The following CFAP251 variants were observed in gnomAD, a reference collection of about 807,000 sequenced individuals.
The protein encoded by CFAP251 is cilia- and flagella-associated protein 251.
A neutral mutation model predicts 126.7 loss-of-function variants in CFAP251; 93 were observed. The observed-to-expected ratio is 0.73, with a 90% confidence interval of 0.62 to 0.87. CFAP251 has a LOEUF of 0.87. Among genes scored for constraint, CFAP251 ranks in the 40% least tolerant of loss-of-function variants. The pLI is 0.00. For synonymous variants in CFAP251, 503 were observed against 506.9 expected (o/e 0.99, Z 0.10); for missense variants, 1,287 against 1,389.2 (o/e 0.93, Z 1.17).
intron 7 of CFAP251, among the ~76,000 whole-genome samples, chr12:121,943,384 G>A (rs1236969281): frequency 6.6e-6 from 1 of 152,134 alleles, no homozygotes; most frequent in Non-Finnish European, 1.5e-5. Context: ...GTTGTGTTAT[G>A]TTGCAGTAGA....
chr12:121,926,673 G>A (rs994294848), intron 3 of CFAP251, among the ~76,000 whole-genome samples: 1 of 152,152 alleles, frequency 6.6e-6, no homozygotes, highest in African/African-American at 2.4e-5. Flanking sequence ...GGCCGGGCGC[G>A]GTGGCTCACA....
At chr12:121,969,481 C>T (rs1218965543) in intron 17 of CFAP251, 29 of 985,182 alleles carry the variant, frequency 2.9e-5, no homozygotes, top group Non-Finnish European at 1.2e-6. Context: ...GCAGAACCTT[C>T]CCTTCTATTT....
Position 121,958,292 on chromosome 12 carries a change from C to A in CFAP251, c.1751C>A (p.Ser584Tyr), listed in dbSNP as rs1881799294. 1 of 1,613,946 alleles carries A rather than the reference C, an allele frequency of 6.2e-7. No individual in the cohort carries two copies. The highest frequency in any genetic ancestry group is 1.3e-5 in the African/African-American group (1 of 74,914). Reference sequence around the variant, plus strand: ...AACAGGAATTTTATCATTGGAACATCTGATGCCGCGGTGTACCACTTAACA... The same window carrying A: ...AACAGGAATTTTATCATTGGAACATATGATGCCGCGGTGTACCACTTAACA... ...FVLRNFIIGT[S>Y]DAAVYHLTTD... is the part of the protein sequence containing the mutation. Residue 584 changes from serine (S) to tyrosine (Y), a missense_variant, in exon 12 of 22, where the codon TCT (serine) becomes TAT (tyrosine). Physicochemically the swap from Ser to Tyr is moderately radical, Grantham distance 144. Coordinates refer to ENST00000288912, the MANE Select transcript of CFAP251 (RefSeq NM_144668.6).
intron 2 of CFAP251, 37 bp from the exon 3 acceptor site, chr12:121,923,585 C>T: frequency 6.4e-7 from 1 of 1,568,420 alleles, no homozygotes; most frequent in Non-Finnish European, 8.6e-7. Flanking sequence ...TGAGTAGCAG[C>T]ACATATGGAA....
In CFAP251 at chr12:121,998,432, AATATATATATATATATAT is replaced by A. The variant is rs71082926; in HGVS notation, c.3007-1245_3007-1228del. 3.1e-3 allele frequency: 265 copies of A among 85,624 alleles called. 4 individuals are homozygous for A. Among genetic ancestry groups the A allele is most frequent in the Middle Eastern group, 7.1e-3 (1 of 140 alleles). 5.3% of individuals were successfully genotyped at this position (85,624 alleles called of 1,614,324 possible). A position where few individuals can be genotyped will look rare whatever the true frequency, so the allele number is the denominator to read the frequency against. ...TACCAGTTCTAATAGTTTTTAGTGTAATATATATATATATATATATATATATATATATATATATATATA... is the reference window on the plus strand; with the variant it reads ...TACCAGTTCTAATAGTTTTTAGTGTAATATATATATATATATATATATATA... On this transcript the variant is annotated intron_variant, in intron 19 of 21. Transcript: ENST00000288912.
At chr12:122,001,397 G>C in intron 20 of CFAP251, 100 bp from the exon 21 acceptor site, 1 of 1,129,440 alleles carries the variant, frequency 8.9e-7, no homozygotes, top group Non-Finnish European at 1.3e-6. Context: ...AAAAATAGTG[G>C]GATAATTCTC....
rs1024161490 is a variant in CFAP251 at position 121,921,690 on chromosome 12, A to G, written c.378+7A>G. On this transcript the variant is annotated splice_region_variant and intron_variant, in intron 2 of 21. Coordinates refer to ENST00000288912, the MANE Select transcript of CFAP251 (RefSeq NM_144668.6). ...CACATCAGGAATTTTCCCAGTAAGT[A>G]GTCATCTTAATTCATTCATCAATTC... The G allele has an allele frequency of 3.8e-6, 6 of 1,599,616 alleles. No homozygotes were observed. The highest frequency in any genetic ancestry group is 3.4e-6 in the Non-Finnish European group (4 of 1,173,268).
Position 121,930,138 on chromosome 12 carries a change from C to G in CFAP251, c.748-1608C>G, listed in dbSNP as rs942222929. On this transcript the variant is annotated intron_variant, in intron 3 of 21. Coordinates refer to ENST00000288912, the MANE Select transcript of CFAP251 (RefSeq NM_144668.6). ...GGCTTGTTAGCCCTTTTTTTTTCCT[C>G]GTTGAATAATATTGCATTGTCTGGA... 1.3e-5 allele frequency among the ~76,000 whole-genome samples: 2 copies of G among 151,648 alleles called. 1 individual carries two copies.
rs547845308 is a variant in CFAP251 at position 121,974,493 on chromosome 12, C to T, written c.2772-751C>T. Among the ~76,000 whole-genome samples, 78 of 152,198 alleles carry T rather than the reference C, an allele frequency of 5.1e-4. No individual in the cohort carries two copies. Among genetic ancestry groups the T allele is most frequent in the African/African-American group, 1.7e-3 (69 of 41,526 alleles). On this transcript the variant is annotated intron_variant, in intron 17 of 21. Transcript: ENST00000288912. The surrounding 1 kb of genome is among the most constrained non-coding windows in gnomAD (Gnocchi z 4.6). ...TCACACAGCTTGCCAGGGGTAGAGC[C>T]GGGACTTGCACACATGTCCGTGTGA...
intron 17 of CFAP251, chr12:121,969,589 A>G: frequency 1.2e-6 from 1 of 815,324 alleles, no homozygotes; most frequent in Non-Finnish European, 1.5e-6. Flanking sequence ...GGGCTCAAAC[A>G]ATTCTCCTGC....
rs532340422 is a variant in CFAP251, at chr12:121,967,401, C to T, written c.2607+332C>T. 1.8e-4 allele frequency among the ~76,000 whole-genome samples: 27 copies of T among 152,258 alleles called. 1 individual carries two copies. The highest frequency in any genetic ancestry group is 1.4e-3 in the Admixed American group (21 of 15,300). Reference sequence around the variant, plus strand: ...TGTTGTACATTTAATGAATAATCTGCGTTGAAAAGTGTAAAGTCGGGCCAG... The same window carrying T: ...TGTTGTACATTTAATGAATAATCTGTGTTGAAAAGTGTAAAGTCGGGCCAG... On this transcript the variant is annotated intron_variant, in intron 16 of 21. Coordinates refer to ENST00000288912, the MANE Select transcript of CFAP251 (RefSeq NM_144668.6).
chr12:121,931,653 A>G (rs1880695398), intron 3 of CFAP251, 93 bp from the exon 4 acceptor site: 3 of 1,268,568 alleles, frequency 2.4e-6, no homozygotes, highest in Non-Finnish European at 3.1e-6. Context: ...TGAACTGTTG[A>G]TGTGAAATCC....
intron 5 of CFAP251, among the ~76,000 whole-genome samples, chr12:121,936,864 A>G (rs927994220): frequency 3.9e-5 from 6 of 151,948 alleles, no homozygotes; most frequent in Non-Finnish European, 8.8e-5. Context: ...TTGCCTGGGT[A>G]GGATAATTGG....
intron 7 of CFAP251, among the ~76,000 whole-genome samples, chr12:121,945,511 T>C (rs1881287480): frequency 6.9e-6 from 1 of 145,424 alleles, no homozygotes; most frequent in South Asian, 2.2e-4. Flanking sequence ...GCCTGGCTAA[T>C]TTTTTGTATT....
At chr12:121,961,852 C>T (rs935492759) in intron 14 of CFAP251, 126 bp from the exon 15 acceptor site, 11 of 934,646 alleles carry the variant, frequency 1.2e-5, no homozygotes, top group Admixed American at 5.0e-5. Flanking sequence ...GACCTGATAC[C>T]GTCTCCCCCA....
chr12:121,958,607 G>T, intron 12 of CFAP251, 85 bp downstream of exon 12: 1 of 1,575,692 alleles, frequency 6.3e-7, no homozygotes, highest in South Asian at 1.2e-5. Flanking sequence ...ATAGCTCCAG[G>T]AAGTCTCCCC....
chr12:121,954,652 A>AAAAAAC (rs1881657793), intron 10 of CFAP251, among the ~76,000 whole-genome samples: 1 of 149,134 alleles, frequency 6.7e-6, no homozygotes, highest in Admixed American at 6.7e-5. Flanking sequence ...AAAAAAAAAA[A>AAAAAAC]AAAAAAAAAA....
chr12:121,923,490 G>A, intron 2 of CFAP251, 132 bp from the exon 3 acceptor site: 5 of 1,221,366 alleles, frequency 4.1e-6, no homozygotes, highest in Non-Finnish European at 5.6e-6. Flanking sequence ...AAATGTTCCA[G>A]CCTCTTTTAA....
At position 121,934,241 on chromosome 12, in the gene CFAP251, C is replaced by T. The variant is rs533474815; in HGVS notation, c.889-6C>T. 2 of 1,612,102 alleles carry T rather than the reference C, an allele frequency of 1.2e-6. No homozygotes were observed. Among genetic ancestry groups the T allele is most frequent in the South Asian group, 2.2e-5 (2 of 90,840 alleles). ...GTTTCAAAGCGTTTTCTCTCCATTTCCATAGGGCCACGCCAATATTATCTC... is the reference window on the plus strand; with the variant it reads ...GTTTCAAAGCGTTTTCTCTCCATTTTCATAGGGCCACGCCAATATTATCTC... On this transcript the variant is annotated splice_region_variant and splice_polypyrimidine_tract_variant and intron_variant, in intron 4 of 21. Transcript: ENST00000288912.
Sources: allele counts gnomAD v4.1 joint callset (sites outside exome capture counted in the v4.1 genomes callset), GRCh38; gene constraint gnomAD v4.1.1; non-coding constraint Gnocchi (gnomAD v3.1); transcripts MANE v1.5; gene names NCBI Gene and HGNC (gene_info 2026-07-23, HGNC 2026-07-21).